Variants in FHIT observed in about 807,000 individuals in gnomAD.
FHIT encodes the protein fragile histidine triad diadenosine triphosphatase, also known as bis(5'-adenosyl)-triphosphatase.
A neutral mutation model predicts 17.9 loss-of-function variants in FHIT; 19 were observed. The observed-to-expected ratio is 1.06, with a 90% CI of 0.74 to 1.56. FHIT has a LOEUF of 1.56. FHIT is among the 40% of genes most tolerant of loss of function. The pLI is 0.00. For missense variants in FHIT, 248 were observed against 189.2 expected, an observed-to-expected ratio of 1.31 and a Z score of -1.82; for synonymous variants, 81 against 69.7, an observed-to-expected ratio of 1.16 and a Z score of -0.81.
intron 8 of FHIT, among the ~76,000 whole-genome samples, chr3:59,773,742 G>T (rs1321873610): frequency 6.6e-6 from 1 of 152,078 alleles, no homozygotes; most frequent in African/African-American, 2.4e-5. Flanking sequence ...CTGGCGGCTT[G>T]TTAGAAAAGC....
chr3:60,182,565 C>T (rs1379947236), intron 5 of FHIT, among the ~76,000 whole-genome samples: 2 of 151,804 alleles, frequency 1.3e-5, no homozygotes, highest in Non-Finnish European at 2.9e-5. Flanking sequence ...CAGCTTGAGC[C>T]CCAGAGTTTT....
chr3:61,250,375 TGTGA>T (rs1292394701), intron 1 of FHIT, among the ~76,000 whole-genome samples: 1 of 152,240 alleles, frequency 6.6e-6, no homozygotes, highest in Non-Finnish European at 1.5e-5. Flanking sequence ...AAACAACCAC[TGTGA>T]GTATTTTCTA....
chr3:60,781,130 A>C (rs1240730648), intron 4 of FHIT, among the ~76,000 whole-genome samples: 1 of 152,202 alleles, frequency 6.6e-6, no homozygotes, highest in African/African-American at 2.4e-5. Flanking sequence ...CAGGAGGGAG[A>C]AGGCCAAAGC....
At chr3:61,131,837 C>T (rs1178866424) in intron 2 of FHIT, among the ~76,000 whole-genome samples, 1 of 152,182 alleles carries the variant, frequency 6.6e-6, no homozygotes, top group Non-Finnish European at 1.5e-5. Flanking sequence ...CCCAGTCTTC[C>T]TTCCTTGGTG....
intron 5 of FHIT, among the ~76,000 whole-genome samples, chr3:60,427,473 C>A (rs914723485): frequency 2.0e-5 from 3 of 152,086 alleles, no homozygotes; most frequent in Admixed American, 1.3e-4. Context: ...AATATTCCAG[C>A]CCATGAAAAT....
intron 3 of FHIT, among the ~76,000 whole-genome samples, chr3:61,034,470 G>C (rs1480084514): frequency 6.6e-6 from 1 of 152,070 alleles, no homozygotes. Flanking sequence ...GTAATGGGTA[G>C]AGGACTTTAA....
intron 7 of FHIT, among the ~76,000 whole-genome samples, chr3:60,006,654 C>CA (rs375320803): frequency 0.11 from 15,057 of 134,566 alleles, 946 homozygotes; most frequent in South Asian, 0.23. Context: ...TTTCCGCATT[C>CA]AAAAAAAAAA....
At chr3:59,919,472 C>T (rs1197770913) in intron 8 of FHIT, among the ~76,000 whole-genome samples, 1 of 152,146 alleles carries the variant, frequency 6.6e-6, no homozygotes, top group African/African-American at 2.4e-5. Context: ...TACTATCTTC[C>T]CTCTACAAGT....
chr3:60,096,316 C>G (rs1455353581), intron 5 of FHIT, among the ~76,000 whole-genome samples: 2 of 152,168 alleles, frequency 1.3e-5, no homozygotes, highest in Non-Finnish European at 2.9e-5. Flanking sequence ...GGAAAGTCCA[C>G]CCAATTTGTC....
intron 5 of FHIT, among the ~76,000 whole-genome samples, chr3:60,342,737 A>G (rs73104921): frequency 0.15 from 22,389 of 152,144 alleles, 1,706 homozygotes; most frequent in Non-Finnish European, 0.16. Flanking sequence ...AATGGAAGGA[A>G]AAATATTGTC....
chr3:60,599,932 C>G (rs1331852065), intron 4 of FHIT, among the ~76,000 whole-genome samples: 4 of 152,148 alleles, frequency 2.6e-5, no homozygotes, highest in Non-Finnish European at 4.4e-5. Flanking sequence ...TTTATGGCCA[C>G]TACTTACTAG....
chr3:60,572,688 C>CA (rs576128636), intron 4 of FHIT, among the ~76,000 whole-genome samples: 12 of 151,936 alleles, frequency 7.9e-5, no homozygotes, highest in Admixed American at 2.6e-4. Flanking sequence ...AAATATAAAA[C>CA]AAAAAAATAT....
chr3:60,174,429 T>C (rs1701574365), intron 5 of FHIT, among the ~76,000 whole-genome samples: 1 of 152,192 alleles, frequency 6.6e-6, no homozygotes, highest in South Asian at 2.1e-4. Context: ...TGTTTTGTTT[T>C]ATATTTTGTT....
chr3:59,760,847 G>A (rs1222796074), intron 8 of FHIT, among the ~76,000 whole-genome samples: 2 of 109,910 alleles, frequency 1.8e-5, no homozygotes, highest in Non-Finnish European at 1.7e-5. Context: ...TTTTTTTTTC[G>A]AGACAAGGTC....
chr3:60,522,804 C>T (rs2035422789), intron 5 of FHIT, among the ~76,000 whole-genome samples: 1 of 152,152 alleles, frequency 6.6e-6, no homozygotes, highest in Non-Finnish European at 1.5e-5. Flanking sequence ...AGAATTGATG[C>T]TCTTTCCTTA....
chr3:60,928,836 A>G (rs2107353946), intron 3 of FHIT, among the ~76,000 whole-genome samples: 1 of 152,312 alleles, frequency 6.6e-6, no homozygotes, highest in South Asian at 2.1e-4. Flanking sequence ...ATCAATAGAA[A>G]AAGAGGGAAT....
chr3:60,400,416 C>G (rs1052636648), intron 5 of FHIT, among the ~76,000 whole-genome samples: 1 of 152,140 alleles, frequency 6.6e-6, no homozygotes, highest in African/African-American at 2.4e-5. Context: ...AGACTTTCCA[C>G]TGGAAATGGA....
At chr3:60,536,478 A>C (rs1444079656) in intron 5 of FHIT, 5 of 169,128 alleles carry the variant, frequency 3.0e-5, no homozygotes, top group African/African-American at 1.2e-4. Context: ...GGCACCACTC[A>C]ATCTACTATT....
chr3:60,071,339 T>A (rs761206149), intron 5 of FHIT, among the ~76,000 whole-genome samples: 2 of 152,258 alleles, frequency 1.3e-5, no homozygotes, highest in Non-Finnish European at 2.9e-5. Flanking sequence ...TTTAACAACA[T>A]ATTATTAATT....
Sources: allele counts gnomAD v4.1 joint callset (sites outside exome capture counted in the v4.1 genomes callset), GRCh38; gene constraint gnomAD v4.1.1; transcripts MANE v1.5; gene names NCBI Gene and HGNC (gene_info 2026-07-23, HGNC 2026-07-21).